PLXDC2: variants seen among roughly 807,000 people sequenced by gnomAD.
PLXDC2 encodes plexin domain-containing protein 2.
Under a neutral mutation model 68.9 loss-of-function variants are expected in PLXDC2, and 40 were observed. That is an observed-to-expected ratio of 0.58 (90% CI 0.45 to 0.76). The LOEUF (loss-of-function observed/expected upper bound fraction) is 0.76. Ranked by LOEUF, PLXDC2 falls within the 30% of genes least tolerant of loss-of-function variation. The pLI is 0.00. For synonymous variants in PLXDC2, 243 were observed against 234.2 expected (o/e 1.04, Z -0.34); for missense variants, 644 against 661.9 (o/e 0.97, Z 0.30).
chr10:19,971,115 A>T (rs1309190333), intron 1 of PLXDC2, among the ~76,000 whole-genome samples: 2 of 152,110 alleles, frequency 1.3e-5, no homozygotes, highest in Non-Finnish European at 2.9e-5. Context: ...TGGTTAATTG[A>T]TAATACAGCC....
At chr10:20,076,169 A>G (rs985258776) in intron 4 of PLXDC2, among the ~76,000 whole-genome samples, 5 of 152,254 alleles carry the variant, frequency 3.3e-5, no homozygotes, top group Non-Finnish European at 7.3e-5. Flanking sequence ...AATCCTGGAA[A>G]GTAAAGGAAA....
At chr10:20,128,613 T>G (rs548606692) in intron 4 of PLXDC2, among the ~76,000 whole-genome samples, 23 of 152,170 alleles carry the variant, frequency 1.5e-4, no homozygotes, top group Non-Finnish European at 3.2e-4. Context: ...ACTTTATTAT[T>G]CTGAAAAACT....
At chr10:19,951,064 C>T (rs1274388819) in intron 1 of PLXDC2, among the ~76,000 whole-genome samples, 2 of 152,064 alleles carry the variant, frequency 1.3e-5, no homozygotes, top group African/African-American at 4.8e-5. Context: ...ACCTAGGAAA[C>T]ACCATTCTGG....
At chr10:20,254,065 T>A (rs912453084) in intron 13 of PLXDC2, among the ~76,000 whole-genome samples, 2 of 152,226 alleles carry the variant, frequency 1.3e-5, no homozygotes, top group Middle Eastern at 3.4e-3. Flanking sequence ...AGCCAAGACA[T>A]CAAACTAGAA....
At chr10:19,934,688 G>C (rs1833694431) in intron 1 of PLXDC2, among the ~76,000 whole-genome samples, 1 of 152,196 alleles carries the variant, frequency 6.6e-6, no homozygotes, top group Admixed American at 6.5e-5. Flanking sequence ...TGGTATAGTT[G>C]ATTAAAATAA....
chr10:20,263,015 C>G (rs1835828568), intron 13 of PLXDC2, among the ~76,000 whole-genome samples: 2 of 152,216 alleles, frequency 1.3e-5, no homozygotes. Flanking sequence ...AATGAAGGAG[C>G]AAAGACCCTA....
Position 20,151,586 on chromosome 10 carries a change from A to G in PLXDC2, c.783+3684A>G, listed in dbSNP as rs769980190. Among the ~76,000 whole-genome samples the G allele has an allele frequency of 1.8e-4, 27 of 152,300 alleles. 1 individual carries two copies. The highest frequency in any genetic ancestry group is 3.4e-4 in the Non-Finnish European group (23 of 67,986). ...ACCATTTTCTCTGCCTAAAGAGATT[A>G]TGTAAAACAATTCACAAATCTATGT... is the stretch of plus-strand genomic sequence containing the variant. On this transcript the variant is annotated intron_variant, in intron 6 of 13. Transcript: ENST00000377252.
chr10:20,004,838 C>G (rs889208138), intron 2 of PLXDC2, among the ~76,000 whole-genome samples: 1 of 152,242 alleles, frequency 6.6e-6, no homozygotes, highest in Admixed American at 6.5e-5. Flanking sequence ...TCTACCTTAA[C>G]AGAGGGAGAC....
chr10:19,838,655 C>T (rs550289308), intron 1 of PLXDC2, among the ~76,000 whole-genome samples: 12 of 152,292 alleles, frequency 7.9e-5, no homozygotes, highest in Non-Finnish European at 1.3e-4. Context: ...TGTACACAAC[C>T]GCAGCCTGTT....
intron 4 of PLXDC2, among the ~76,000 whole-genome samples, chr10:20,115,061 T>G (rs1199004232): frequency 6.6e-6 from 1 of 152,210 alleles, no homozygotes; most frequent in African/African-American, 2.4e-5. Flanking sequence ...TACAGTTGTT[T>G]CCTGAATGGC....
intron 9 of PLXDC2, among the ~76,000 whole-genome samples, chr10:20,195,091 T>C (rs1834820001): frequency 6.6e-6 from 1 of 152,052 alleles, no homozygotes; most frequent in African/African-American, 2.4e-5. Flanking sequence ...AAAATGGTTC[T>C]CAAATTGTTA....
At chr10:20,254,236 C>T (rs572845098) in intron 13 of PLXDC2, among the ~76,000 whole-genome samples, 12 of 152,298 alleles carry the variant, frequency 7.9e-5, no homozygotes, top group Non-Finnish European at 1.8e-4. Context: ...AGCTGTGGCC[C>T]TCAACTTTTC....
At chr10:20,270,942 TAA>T (rs34934677) in intron 13 of PLXDC2, among the ~76,000 whole-genome samples, 84,327 of 140,046 alleles carry the variant, frequency 0.6, 25,280 homozygotes, top group Middle Eastern at 0.78. Flanking sequence ...TTGGGTATCT[TAA>T]AAAAAAAAAA....
In PLXDC2 at chr10:20,266,139, T is replaced by G. The variant is rs146310506; in HGVS notation, c.1474-13564T>G. Among the ~76,000 whole-genome samples, 454 of 152,306 alleles carry G rather than the reference T, an allele frequency of 3.0e-3. 4 individuals carry two copies. Among genetic ancestry groups the G allele is most frequent in the African/African-American group, 0.01 (428 of 41,570 alleles). On this transcript the variant is annotated intron_variant, in intron 13 of 13. Transcript: ENST00000377252. ...ACATAAGGTCACATAAGACGTTTAT[T>G]AGAGTAATGAGAAATCAGGGAAAAT... is the stretch of plus-strand genomic sequence containing the variant.
intron 12 of PLXDC2, among the ~76,000 whole-genome samples, chr10:20,240,172 C>A (rs1362797422): frequency 6.6e-6 from 1 of 152,136 alleles, no homozygotes; most frequent in East Asian, 1.9e-4. Context: ...CAAGTGAGAA[C>A]ATAGGGTATT....
intron 12 of PLXDC2, among the ~76,000 whole-genome samples, chr10:20,222,621 A>G (rs922216446): frequency 7.9e-5 from 12 of 152,192 alleles, no homozygotes; most frequent in Admixed American, 3.9e-4. Context: ...AAAGATACCT[A>G]ATAAATTCAG....
chr10:19,899,283 T>G (rs186796115), intron 1 of PLXDC2, among the ~76,000 whole-genome samples: 4 of 152,308 alleles, frequency 2.6e-5, no homozygotes, highest in Admixed American at 2.6e-4. Context: ...GCACACTTCA[T>G]TGATATGCTA....
At chr10:20,178,404 C>T (rs1193733780) in intron 9 of PLXDC2, among the ~76,000 whole-genome samples, 1 of 151,948 alleles carries the variant, frequency 6.6e-6, no homozygotes, top group Admixed American at 6.6e-5. Flanking sequence ...AGTTATGTTC[C>T]GGGTACTGGG....
intron 6 of PLXDC2, among the ~76,000 whole-genome samples, chr10:20,159,891 G>T (rs1434962590): frequency 6.6e-6 from 1 of 152,098 alleles, no homozygotes; most frequent in African/African-American, 2.4e-5. Flanking sequence ...CTCAGAGAGA[G>T]CTTCTGCGAC....
Sources: allele counts gnomAD v4.1 joint callset (sites outside exome capture counted in the v4.1 genomes callset), GRCh38; gene constraint gnomAD v4.1.1; transcripts MANE v1.5; gene names NCBI Gene and HGNC (gene_info 2026-07-23, HGNC 2026-07-21).